Variants in IL16 observed in about 807,000 individuals in gnomAD.
IL16 encodes the protein pro-interleukin-16.
Under a neutral mutation model 110.1 loss-of-function variants are expected in IL16, and 67 were observed. The observed-to-expected ratio is 0.61, with a 90% CI of 0.50 to 0.75. IL16 has a LOEUF of 0.75. Ranked by LOEUF, IL16 falls within the 30% of genes least tolerant of loss-of-function variation. IL16 has a pLI of 0.00. For missense variants in IL16, 1,545 were observed against 1,655.0 expected (o/e 0.93, Z 1.15); for synonymous variants, 689 against 662.9 (o/e 1.04, Z -0.61).
At chr15:81,291,892 G>C (rs78251747) in intron 11 of IL16, 2 of 456,032 alleles carry the variant, frequency 4.4e-6, no homozygotes, top group African/African-American at 4.0e-5. Flanking sequence ...AATAACCCCA[G>C]TGACTTTAAA....
chr15:81,208,881 T>C (rs1319699790), intron 1 of IL16, among the ~76,000 whole-genome samples: 9 of 152,216 alleles, frequency 5.9e-5, no homozygotes. Context: ...TTTACCTCTC[T>C]GTGCCTCAGT....
upstream of IL16, among the ~76,000 whole-genome samples, chr15:81,194,883 G>C (rs1351981505): frequency 6.6e-6 from 1 of 152,098 alleles, no homozygotes; most frequent in Non-Finnish European, 1.5e-5. Flanking sequence ...GATCACACAG[G>C]AAGCTCTTGG....
intron 1 of IL16, among the ~76,000 whole-genome samples, chr15:81,208,932 A>C (rs569749624): frequency 6.6e-6 from 1 of 152,200 alleles, no homozygotes; most frequent in African/African-American, 2.4e-5. Flanking sequence ...AATAGTATAT[A>C]TCTCATATGG....
intron 1 of IL16, among the ~76,000 whole-genome samples, chr15:81,203,880 G>C (rs922914258): frequency 1.1e-4 from 17 of 152,140 alleles, no homozygotes; most frequent in African/African-American, 4.1e-4. Flanking sequence ...TGGCTTGATG[G>C]GGATGACATT....
chr15:81,265,791 G>A lies in IL16; in HGVS notation c.554G>A (p.Gly185Glu). 6.2e-6 allele frequency: 10 copies of A among 1,611,108 alleles called. No individual in the cohort carries two copies. The highest frequency in any genetic ancestry group is 8.5e-6 in the Non-Finnish European group (10 of 1,178,440). Residue 185 changes from glycine (G) to glutamate (E), a missense_variant, in exon 4 of 19, where the codon GGA becomes GAA. By Grantham distance (98) the Gly-to-Glu change is moderately conservative (BLOSUM62 -2). Around this residue, in one of 3 missense-constraint regions of IL16, gnomAD observed 1,185 missense variants for 1,238.8 expected, o/e 0.96. Coordinates refer to ENST00000683961, the MANE Select transcript of IL16 (RefSeq NM_172217.5). ...TCTCAACAATTGGACTGTCCAGCAG[G>A]AAAGGCTGCGGTAAGAATGGAAGGA... ...SLSQQLDCPA[G>E]KAAGTSRPTR...
At chr15:81,251,549 T>C (rs912646811) in intron 2 of IL16, among the ~76,000 whole-genome samples, 6 of 152,238 alleles carry the variant, frequency 3.9e-5, no homozygotes, top group African/African-American at 1.4e-4. Flanking sequence ...AACAATGTGA[T>C]GATGAACATC....
intron 13 of IL16, among the ~76,000 whole-genome samples, chr15:81,298,843 G>A (rs1014002388): frequency 3.3e-5 from 5 of 152,228 alleles, no homozygotes; most frequent in South Asian, 2.1e-4. Flanking sequence ...GTGGGAAGCC[G>A]AAGTGGCCCC....
chr15:81,296,851 C>G, intron 12 of IL16, 77 bp from the exon 13 acceptor site: 1 of 1,328,984 alleles, frequency 7.5e-7, no homozygotes, highest in South Asian at 1.4e-5. Context: ...TTTTCCGTCC[C>G]AATCAAAGCG....
At chr15:81,301,689 G>C (rs1485137782) in intron 15 of IL16, among the ~76,000 whole-genome samples, 177 bp downstream of exon 15, 1 of 152,230 alleles carries the variant, frequency 6.6e-6, no homozygotes, top group Non-Finnish European at 1.5e-5. Context: ...CATTTGAAGA[G>C]AGCCTTTTAG....
intron 7 of IL16, among the ~76,000 whole-genome samples, chr15:81,279,125 ACT>A (rs1314943783): frequency 2.0e-5 from 3 of 152,194 alleles, no homozygotes; most frequent in African/African-American, 7.2e-5. Flanking sequence ...GTTTTAAAAC[ACT>A]CTGTGTATTT....
At chr15:81,228,691 A>G (rs1347674866) in intron 2 of IL16, among the ~76,000 whole-genome samples, 1 of 152,128 alleles carries the variant, frequency 6.6e-6, no homozygotes, top group African/African-American at 2.4e-5. Flanking sequence ...CTTGGGAGGA[A>G]GGTAGTAGAA....
intron 2 of IL16, among the ~76,000 whole-genome samples, chr15:81,258,027 G>A (rs190688536): frequency 6.6e-6 from 1 of 152,172 alleles, no homozygotes. Flanking sequence ...CACACACAGA[G>A]CATGTGCACA....
Position 81,299,639 on chromosome 15 carries a change from C to G in IL16, c.2313C>G (p.Tyr771Ter). The G allele has an allele frequency of 6.2e-7, 1 of 1,614,238 alleles. No homozygotes were observed. Among genetic ancestry groups the G allele is most frequent in the Non-Finnish European group, 8.5e-7 (1 of 1,180,042 alleles). ...CCGCCAATGGCACTCCCAAAGTTTA[C>G]AAGTCAGCAGACAGCAGCACTGTGA... ...LDTANGTPKV[Y>*]KSADSSTVKK... Residue 771 changes from tyrosine (Y) to a stop codon, truncating the protein, a stop_gained, in exon 14 of 19, where the codon TAC becomes TAG. Coordinates refer to ENST00000683961, the MANE Select transcript of IL16 (RefSeq NM_172217.5). LOFTEE classifies it high-confidence loss of function.
At chr15:81,199,036 TATATA>T (rs1397229090) in intron 1 of IL16, among the ~76,000 whole-genome samples, 10,251 of 79,932 alleles carry the variant, frequency 0.13, 495 homozygotes, top group African/African-American at 0.21. Context: ...AAAAAATATA[TATATA>T]TATATATATA....
chr15:81,235,346 G>T (rs952093829), intron 2 of IL16, among the ~76,000 whole-genome samples: 45 of 152,306 alleles, frequency 3.0e-4, no homozygotes, highest in African/African-American at 1.0e-3. Context: ...TTTTACTCAT[G>T]ATGGAAGATG....
upstream of IL16, among the ~76,000 whole-genome samples, chr15:81,193,401 A>G (rs1201732694): frequency 6.6e-6 from 1 of 152,062 alleles, no homozygotes; most frequent in Non-Finnish European, 1.5e-5. Flanking sequence ...AAAGAGTCAG[A>G]ATTCAAGGAG....
At position 81,265,798 on chromosome 15, in the gene IL16, T is replaced by C. The variant is rs1898353674; in HGVS notation, c.561T>C (p.Ala187=). ...AATTGGACTGTCCAGCAGGAAAGGC[T>C]GCGGTAAGAATGGAAGGAGGGAAAC... ...SQQLDCPAGK[A]AGTSRPTRSL... is the part of the protein sequence containing the mutation. The change falls in exon 4 of 19, where the codon GCT becomes GCC. Residue 187 remains alanine, a synonymous_variant. Transcript: ENST00000683961. 1 of 1,611,282 alleles carries C rather than the reference T, an allele frequency of 6.2e-7. No homozygotes were observed. The highest frequency in any genetic ancestry group is 1.7e-5 in the Admixed American group (1 of 59,624).
intron 1 of IL16, among the ~76,000 whole-genome samples, chr15:81,198,945 G>C (rs796656808): frequency 2.7e-5 from 4 of 147,642 alleles, no homozygotes; most frequent in Admixed American, 1.4e-4. Context: ...GCTTGAACCC[G>C]GGAGGCGGAG....
rs34522610 is a variant in IL16 at position 81,303,015 on chromosome 15, A to ATGTGTGTGTGTGTG, written c.3319-518_3319-505dup. ...GTCTAGGCTAGGAAGTACCGTAGTA[A>ATGTGTGTGTGTGTG]TGTGTGTGTGTGTGTGTGTGTGTGT... On this transcript the variant is annotated intron_variant, in intron 15 of 18. Transcript: ENST00000683961. This position sits in a 1 kb window ranked among gnomAD's most constrained non-coding sequence, Gnocchi z 4.1. 6.7e-3 allele frequency among the ~76,000 whole-genome samples: 1,002 copies of ATGTGTGTGTGTGTG among 150,128 alleles called. 10 individuals carry two copies. Among genetic ancestry groups the ATGTGTGTGTGTGTG allele is most frequent in the African/African-American group, 0.021 (867 of 40,670 alleles).
Sources: allele counts gnomAD v4.1 joint callset (sites outside exome capture counted in the v4.1 genomes callset), GRCh38; gene constraint gnomAD v4.1.1; regional missense constraint gnomAD v4.1.1; non-coding constraint Gnocchi (gnomAD v3.1); transcripts MANE v1.5; gene names NCBI Gene and HGNC (gene_info 2026-07-23, HGNC 2026-07-21).